Variants in PDCL observed in about 807,000 individuals in gnomAD.
PDCL encodes phosducin-like protein.
In PDCL, 11 loss-of-function variants were observed where a neutral mutation model predicts 26.7. The ratio of observed to expected loss-of-function variants is 0.41; its 90% confidence interval spans 0.26 to 0.68. The LOEUF (loss-of-function observed/expected upper bound fraction) is 0.68. PDCL is among the 30% of genes least tolerant of loss of function. PDCL has a pLI of 0.30. For missense variants in PDCL, 330 were observed against 371.6 expected (o/e 0.89, Z 0.92); for synonymous variants, 118 against 134.9 (o/e 0.87, Z 0.87).
intron 3 of PDCL, among the ~76,000 whole-genome samples, chr9:122,822,256 G>C (rs1829562847): frequency 6.6e-6 from 1 of 152,022 alleles, no homozygotes; most frequent in Admixed American, 6.6e-5. Context: ...ATACTGATAG[G>C]ATAAGAGGCC....
At chr9:122,826,209 G>C (rs1829626616) in intron 2 of PDCL, among the ~76,000 whole-genome samples, 1 of 152,188 alleles carries the variant, frequency 6.6e-6, no homozygotes, top group African/African-American at 2.4e-5. Context: ...GAGGTCAAGT[G>C]TACGGAGAAA....
rs749723022 is a variant in PDCL at position 122,820,041 on chromosome 9, T to C, written c.*44A>G. On this transcript the variant is annotated 3_prime_UTR_variant, in exon 4 of 4. Coordinates refer to ENST00000259467, the MANE Select transcript of PDCL (RefSeq NM_005388.5). ...GAACAAAAATAAACAATGACGTGTA[T>C]TCCAACCCAAACAATGAGAAATCTA... 226 of 1,496,016 alleles carry C rather than the reference T, an allele frequency of 1.5e-4. 1 individual carries two copies. Among genetic ancestry groups the C allele is most frequent in the Non-Finnish European group, 1.9e-5 (21 of 1,108,374 alleles). 92.7% of individuals were successfully genotyped at this position (1,496,016 alleles called of 1,614,324 possible).
At chr9:122,825,893 C>CA (rs1038361025) in intron 2 of PDCL, among the ~76,000 whole-genome samples, 1 of 152,000 alleles carries the variant, frequency 6.6e-6, no homozygotes, top group African/African-American at 2.4e-5. Context: ...CCCATCTCTA[C>CA]AAAAAATAAA....
At chr9:122,825,072 A>G (rs1041660255) in intron 2 of PDCL, among the ~76,000 whole-genome samples, 8 of 152,204 alleles carry the variant, frequency 5.3e-5, no homozygotes, top group South Asian at 2.1e-4. Flanking sequence ...CTGGAGCCCT[A>G]CTGCACCCTG....
chr9:122,820,284 A>G lies in PDCL; in HGVS notation c.707T>C (p.Leu236Pro). 6.2e-7 allele frequency: 1 copy of G among 1,614,190 alleles called. No individual in the cohort carries two copies. Among genetic ancestry groups the G allele is most frequent in the Non-Finnish European group, 8.5e-7 (1 of 1,180,038 alleles). Residue 236 changes from leucine (L) to proline (P), a missense_variant, in exon 4 of 4, where the codon CTG becomes CCG. Physicochemically the swap from Leu to Pro is moderately conservative, Grantham distance 98. Coordinates refer to ENST00000259467, the MANE Select transcript of PDCL (RefSeq NM_005388.5). ...SQFTRNALPA[L>P]LIYKGGELIG... is the part of the protein sequence containing the mutation. ...CAATTCACCCCCCTTATAGATCAGC[A>G]GGGCAGGAAGGGCATTCCTGGTGAA...
At chr9:122,826,876 G>A (rs775029884) in intron 1 of PDCL, 84 bp from the exon 2 acceptor site, 118 of 1,241,914 alleles carry the variant, frequency 9.5e-5, no homozygotes, top group Non-Finnish European at 1.3e-4. Context: ...CGCCTGTGCT[G>A]AGATCCTACA....
rs1384661614 is a variant in PDCL at position 122,828,470 on chromosome 9, C to T, written c.-6+1G>A. The T allele has an allele frequency of 1.3e-5, 2 of 152,588 alleles. No homozygotes were observed. The highest frequency in any genetic ancestry group is 2.9e-5 in the Non-Finnish European group (2 of 68,274). The allele number at this position is 152,588 out of a possible 1,614,324, so 9.5% of individuals were successfully genotyped here. ...TTCCCGGTGGACCCCAATGCAGTTA[C>T]CTGCCCTAGCTCGCTCCGGATCCCT... On this transcript the variant is annotated splice_donor_variant, in intron 1 of 3. Transcript: ENST00000259467. LOFTEE classifies it low-confidence loss of function (5UTR_SPLICE).
At chr9:122,826,112 A>G (rs1380154653) in intron 2 of PDCL, among the ~76,000 whole-genome samples, 3 of 152,154 alleles carry the variant, frequency 2.0e-5, no homozygotes, top group South Asian at 4.1e-4. Flanking sequence ...AAAACAAAAC[A>G]AAACAAAAAA....
In PDCL at chr9:122,818,494, C is replaced by T. The variant is rs962812011; in HGVS notation, c.*1591G>A. The T allele has an allele frequency of 6.6e-6, 1 of 151,676 alleles. No individual in the cohort carries two copies. Among genetic ancestry groups the T allele is most frequent in the Admixed American group, 6.6e-5 (1 of 15,224 alleles). The allele number at this position is 151,676 out of a possible 1,614,324, so 9.4% of individuals were successfully genotyped here. A position where few individuals can be genotyped will look rare whatever the true frequency, so the allele number is the denominator to read the frequency against. On this transcript the variant is annotated 3_prime_UTR_variant, in exon 4 of 4. Transcript: ENST00000259467. ...TGAAAAAAGACTGAAAGGAAATAAGCTAGACTAACAATACTTCCCTGCTTC... is the reference window on the plus strand; with the variant it reads ...TGAAAAAAGACTGAAAGGAAATAAGTTAGACTAACAATACTTCCCTGCTTC...
At chr9:122,827,231 C>CA (rs1829639630) in intron 1 of PDCL, among the ~76,000 whole-genome samples, 1 of 152,156 alleles carries the variant, frequency 6.6e-6, no homozygotes, top group Non-Finnish European at 1.5e-5. Context: ...TAAGTATCCT[C>CA]AGGAAAAACC....
At chr9:122,821,085 T>A (rs528063701) in intron 3 of PDCL, among the ~76,000 whole-genome samples, 1 of 152,258 alleles carries the variant, frequency 6.6e-6, no homozygotes, top group East Asian at 1.9e-4. Context: ...ACATGCATTA[T>A]ATCTCACTGA....
At chr9:122,827,091 TA>T (rs1209007043) in intron 1 of PDCL, among the ~76,000 whole-genome samples, 1 of 152,212 alleles carries the variant, frequency 6.6e-6, no homozygotes, top group Non-Finnish European at 1.5e-5. Context: ...GCCTGAGGTA[TA>T]AATTACTCTA....
chr9:122,822,039 T>C (rs1423875207), intron 3 of PDCL, among the ~76,000 whole-genome samples: 1 of 152,170 alleles, frequency 6.6e-6, no homozygotes, highest in Non-Finnish European at 1.5e-5. Flanking sequence ...CAGAGTGGCT[T>C]CTTCTGACCT....
In PDCL at chr9:122,820,122, G is replaced by A. The variant is rs772754589; in HGVS notation, c.869C>T (p.Thr290Met). The A allele has an allele frequency of 2.2e-5, 36 of 1,612,718 alleles. 1 individual carries two copies. The highest frequency in any genetic ancestry group is 1.8e-4 in the Admixed American group (11 of 59,778). ...LVLTSVRNSATCHSEDSDLEI... is the reference protein window; with the variant it reads ...LVLTSVRNSAMCHSEDSDLEI... ...CAGGTCGCTATCCTCACTGTGACAC[G>A]TGGCAGAGTTACGCACAGATGTCAG... The change falls in exon 4 of 4, where the codon ACG becomes ATG. Residue 290 changes from threonine to methionine, a missense_variant. Coordinates refer to ENST00000259467, the MANE Select transcript of PDCL (RefSeq NM_005388.5).
chr9:122,823,630 A>G (rs10818752), intron 2 of PDCL, among the ~76,000 whole-genome samples: 45,391 of 152,040 alleles, frequency 0.3, 7,511 homozygotes, highest in East Asian at 0.57. Context: ...ACATGTTTGT[A>G]TATACACTTG....
In PDCL at chr9:122,818,671, T is replaced by A. The variant is rs947492579; in HGVS notation, c.*1414A>T. On this transcript the variant is annotated 3_prime_UTR_variant, in exon 4 of 4. Coordinates refer to ENST00000259467, the MANE Select transcript of PDCL (RefSeq NM_005388.5). ...AAGCCAGGAAAATCAAAATTGTGAA[T>A]TTTAAGGCTAATATTTAATTCCAGA... 1.3e-5 allele frequency: 2 copies of A among 152,038 alleles called. No individual in the cohort carries two copies. The highest frequency in any genetic ancestry group is 2.9e-5 in the Non-Finnish European group (2 of 67,994). 9.4% of individuals were successfully genotyped at this position (152,038 alleles called of 1,614,324 possible). A position where few individuals can be genotyped will look rare whatever the true frequency, so the allele number is the denominator to read the frequency against.
At chr9:122,821,003 A>C (rs1039278942) in intron 3 of PDCL, among the ~76,000 whole-genome samples, 3 of 151,812 alleles carry the variant, frequency 2.0e-5, no homozygotes, top group Non-Finnish European at 4.4e-5. Flanking sequence ...GTCTCCAAAA[A>C]AATAAAAAGA....
In PDCL at chr9:122,828,466, G is replaced by T. The variant is rs1829658818; in HGVS notation, c.-6+5C>A. 6.6e-6 allele frequency: 1 copy of T among 152,492 alleles called. No individual in the cohort carries two copies. The highest frequency in any genetic ancestry group is 1.5e-5 in the Non-Finnish European group (1 of 68,306). The allele number at this position is 152,492 out of a possible 1,614,324, so 9.4% of individuals were successfully genotyped here. ...CCGCTTCCCGGTGGACCCCAATGCA[G>T]TTACCTGCCCTAGCTCGCTCCGGAT... On this transcript the variant is annotated splice_donor_5th_base_variant and intron_variant, in intron 1 of 3. Transcript: ENST00000259467.
At chr9:122,823,426 T>C (rs923138138) in intron 2 of PDCL, among the ~76,000 whole-genome samples, 5 of 152,056 alleles carry the variant, frequency 3.3e-5, no homozygotes, top group South Asian at 4.1e-4. Context: ...GTTTAAAAAA[T>C]TATCATCTAC....
Sources: allele counts gnomAD v4.1 joint callset (sites outside exome capture counted in the v4.1 genomes callset), GRCh38; gene constraint gnomAD v4.1.1; transcripts MANE v1.5; gene names NCBI Gene and HGNC (gene_info 2026-07-23, HGNC 2026-07-21).